The following CA4 variants were observed in gnomAD, a reference collection of about 807,000 sequenced individuals.
CA4 encodes CA-IV.
Under a neutral mutation model 34.5 loss-of-function variants are expected in CA4, and 24 were observed. The observed-to-expected ratio is 0.70, with a 90% confidence interval of 0.50 to 0.98. The LOEUF (loss-of-function observed/expected upper bound fraction) is 0.98. Ranked by LOEUF, CA4 falls within the 50% of genes least tolerant of loss-of-function variation. The pLI, the probability that CA4 is intolerant of heterozygous loss-of-function variation, is 0.00. For synonymous variants in CA4, 178 were observed against 170.6 expected (o/e 1.04, Z -0.34); for missense variants, 394 against 396.7 (o/e 0.99, Z 0.06).
chr17:60,157,590 A>C lies in CA4; in HGVS notation c.414+18A>C, dbSNP rs375853759. 8.4e-5 allele frequency: 136 copies of C among 1,613,984 alleles called. No homozygotes were observed. The highest frequency in any genetic ancestry group is 1.1e-4 in the Non-Finnish European group (130 of 1,180,010). ...CCATGGAGGTGAGGGCCCCTTCCCG[A>C]CTGGGACCTTGTCTGGGCTCTGGGC... is the stretch of plus-strand genomic sequence containing the variant. On this transcript the variant is annotated intron_variant, in intron 4 of 7. Coordinates refer to ENST00000300900, the MANE Select transcript of CA4 (RefSeq NM_000717.5).
At chr17:60,164,374 T>G (rs200922778), downstream of CA4, among the ~76,000 whole-genome samples, 14 of 150,506 alleles carry the variant, frequency 9.3e-5, no homozygotes, top group Admixed American at 2.0e-4. Flanking sequence ...CTGTCTGTCT[T>G]TCTTTCTTTC....
downstream of CA4, among the ~76,000 whole-genome samples, chr17:60,174,677 T>C (rs1035975430): frequency 2.0e-5 from 3 of 152,326 alleles, no homozygotes; most frequent in East Asian, 1.9e-4. Context: ...TCTCTGATCA[T>C]AGAGGTGTGT....
At chr17:60,172,523 A>G (rs1012825942), downstream of CA4, among the ~76,000 whole-genome samples, 11 of 152,144 alleles carry the variant, frequency 7.2e-5, no homozygotes, top group African/African-American at 2.7e-4. Context: ...AGCAAACAGA[A>G]CTTATGTTTA....
At position 60,158,655 on chromosome 17, in the gene CA4, AG is replaced by A; in HGVS notation, c.744+211del. 8.3e-6 allele frequency: 5 copies of A among 602,094 alleles called. No homozygotes were observed. The South Asian group carries it at 9.8e-5, about 12-fold the overall frequency. The allele number at this position is 602,094 out of a possible 1,614,324, so 37.3% of individuals were successfully genotyped here. ...TGGGGGCTAGACAGGAGGCAGGGGAAGGTGGAGTCATTCAGAAAATGGTGCT... is the reference window on the plus strand; with the variant it reads ...TGGGGGCTAGACAGGAGGCAGGGGAAGTGGAGTCATTCAGAAAATGGTGCT... On this transcript the variant is annotated intron_variant, in intron 7 of 7. Coordinates refer to ENST00000300900, the MANE Select transcript of CA4 (RefSeq NM_000717.5).
At chr17:60,161,782 C>T (rs765686351), downstream of CA4, among the ~76,000 whole-genome samples, 43 of 152,218 alleles carry the variant, frequency 2.8e-4, no homozygotes, top group Admixed American at 1.4e-3. Flanking sequence ...CCATGGCAAC[C>T]GCAGGCCGCC....
Position 60,159,326 on chromosome 17 carries a change from G to T in CA4, c.841G>T (p.Val281Leu). The change falls in exon 8 of 8, where the codon GTG becomes TTG. Residue 281 changes from valine to leucine, a missense_variant. Transcript: ENST00000300900. The stretch of plus-strand genomic sequence containing the variant: ...CCTGCAGCAGCTGGGGCAGCGCACG[G>T]TGATAAAGTCCGGGGCCCCGGGTCG... Reference protein sequence around the residue: ...RPLQQLGQRTVIKSGAPGRPL... With the variant: ...RPLQQLGQRTLIKSGAPGRPL... The T allele has an allele frequency of 1.2e-6, 2 of 1,609,670 alleles. No individual in the cohort carries two copies. Among genetic ancestry groups the T allele is most frequent in the Non-Finnish European group, 1.7e-6 (2 of 1,178,118 alleles).
chr17:60,165,834 T>TC (rs1409310668), intron 5 of CA4, among the ~76,000 whole-genome samples: 1 of 151,422 alleles, frequency 6.6e-6, no homozygotes, highest in Non-Finnish European at 1.5e-5. Flanking sequence ...CAAATCTCTT[T>TC]TTTTTTTTTT....
At chr17:60,173,390 C>T (rs373251247), downstream of CA4, among the ~76,000 whole-genome samples, 9 of 152,180 alleles carry the variant, frequency 5.9e-5, no homozygotes, top group South Asian at 6.2e-4. Context: ...GCCTCTGAAA[C>T]GCATCACTTG....
intron 5 of CA4, among the ~76,000 whole-genome samples, chr17:60,167,858 G>A (rs1270264901): frequency 1.3e-5 from 2 of 152,140 alleles, no homozygotes; most frequent in Non-Finnish European, 2.9e-5. Context: ...GTCTCCATGA[G>A]GCTATTGAAT....
At chr17:60,174,027 G>A (rs1416501168), downstream of CA4, among the ~76,000 whole-genome samples, 1 of 152,154 alleles carries the variant, frequency 6.6e-6, no homozygotes, top group Non-Finnish European at 1.5e-5. Flanking sequence ...GTTATATTAT[G>A]CCTGTATTGT....
chr17:60,160,786 A>C (rs1352370751), downstream of CA4, among the ~76,000 whole-genome samples: 2 of 149,272 alleles, frequency 1.3e-5, no homozygotes, highest in African/African-American at 2.5e-5. Flanking sequence ...AGGGCAGGGA[A>C]GGTGGGAAGC....
At chr17:60,167,111 G>C (rs1251842128) in intron 5 of CA4, among the ~76,000 whole-genome samples, 41 of 152,232 alleles carry the variant, frequency 2.7e-4, no homozygotes, top group Non-Finnish European at 4.4e-5. Context: ...GCCAGCGAAT[G>C]AATGACAAAA....
Position 60,159,279 on chromosome 17 carries a change from G to C in CA4, c.794G>C (p.Ser265Thr). 1 of 1,610,174 alleles carries C rather than the reference G, an allele frequency of 6.2e-7. No individual in the cohort carries two copies. The highest frequency in any genetic ancestry group is 8.5e-7 in the Non-Finnish European group (1 of 1,178,152). ...KLYYDKEQTV[S>T]MKDNVRPLQQ... ...TACTACGACAAGGAACAGACAGTGA[G>C]CATGAAGGACAATGTCAGGCCCCTG... The change falls in exon 8 of 8, where the codon AGC becomes ACC. Residue 265 changes from serine to threonine, a missense_variant. Transcript: ENST00000300900.
chr17:60,160,633 G>A (rs957600821), downstream of CA4, among the ~76,000 whole-genome samples: 2 of 152,176 alleles, frequency 1.3e-5, no homozygotes, highest in South Asian at 2.1e-4. Context: ...GCATGGTGGC[G>A]GGTGCCGGTA....
In CA4 at chr17:60,155,378, C is replaced by T. The variant is rs1174906807; in HGVS notation, c.112+11C>T. The T allele has an allele frequency of 6.2e-7, 1 of 1,602,104 alleles. No homozygotes were observed. The highest frequency in any genetic ancestry group is 8.5e-7 in the Non-Finnish European group (1 of 1,173,972). ...ACTACCCCTGCTTGGGTGAGTACAGCCAGTCCAGGGGACTGCTCTTTGTGC... is the reference window on the plus strand; with the variant it reads ...ACTACCCCTGCTTGGGTGAGTACAGTCAGTCCAGGGGACTGCTCTTTGTGC... On this transcript the variant is annotated intron_variant, in intron 2 of 7. Coordinates refer to ENST00000300900, the MANE Select transcript of CA4 (RefSeq NM_000717.5).
chr17:60,176,113 G>A, the CA4 span, among the ~76,000 whole-genome samples: 3 of 152,094 alleles, frequency 2.0e-5, no homozygotes, highest in Admixed American at 6.6e-5. Context: ...ACTGCGCCTG[G>A]TCCATTTTAT....
chr17:60,170,193 C>G (rs2083900362), intron 5 of CA4, among the ~76,000 whole-genome samples: 1 of 152,196 alleles, frequency 6.6e-6, no homozygotes, highest in Non-Finnish European at 1.5e-5. Context: ...CAATTGTTCT[C>G]TCCTTTCCCA....
At chr17:60,153,319 C>T (rs954663839) in intron 1 of CA4, among the ~76,000 whole-genome samples, 5 of 152,152 alleles carry the variant, frequency 3.3e-5, no homozygotes, top group African/African-American at 9.7e-5. Context: ...GCCTGGGCAA[C>T]AGAGCGAGAC....
chr17:60,156,944 G>A, intron 3 of CA4: 1 of 607,060 alleles, frequency 1.6e-6, no homozygotes, highest in Non-Finnish European at 2.9e-6. Flanking sequence ...GTTCCAGGAA[G>A]AAGGACATGT....
Sources: allele counts gnomAD v4.1 joint callset (sites outside exome capture counted in the v4.1 genomes callset), GRCh38; gene constraint gnomAD v4.1.1; transcripts MANE v1.5; gene names NCBI Gene and HGNC (gene_info 2026-07-23, HGNC 2026-07-21).